Variants in WDR90 observed in about 807,000 individuals in gnomAD.
The protein encoded by WDR90 is WD repeat domain 90.
Under a neutral mutation model 195.2 loss-of-function variants are expected in WDR90, and 238 were observed. The observed-to-expected ratio is 1.22, with a 90% CI of 1.10 to 1.36. WDR90 has a LOEUF of 1.36. WDR90 is among the 40% of genes most tolerant of loss of function. The pLI, the probability that WDR90 is intolerant of heterozygous loss-of-function variation, is 0.00. For missense variants in WDR90, 2,734 were observed against 2,439.5 expected, an observed-to-expected ratio of 1.12 and a Z score of -2.54; for synonymous variants, 1,265 against 1,052.4, an observed-to-expected ratio of 1.20 and a Z score of -3.91.
rs373402461 is a variant in WDR90 at position 661,850 on chromosome 16, C to G, written c.3865-41C>G. On this transcript the variant is annotated intron_variant, in intron 31 of 40. Transcript: ENST00000293879. ...TGTGGGGTGGAATCTGCCTGGGCCC[C>G]GGGACACTGCTGACCCATGGCCACT... 5 of 1,592,092 alleles carry G rather than the reference C, an allele frequency of 3.1e-6. No individual in the cohort carries two copies. The East Asian group carries it at 6.7e-5, about 21-fold the overall frequency.
At chr16:653,982 AACC>A (rs1018389959) in intron 13 of WDR90, 179 bp downstream of exon 13, 2 of 729,134 alleles carry the variant, frequency 2.7e-6, no homozygotes, top group African/African-American at 1.8e-5. Flanking sequence ...CCTGCACAAA[AACC>A]ACCACCAGCA....
chr16:650,536 C>T lies in WDR90; in HGVS notation c.389-3C>T. 3.7e-6 allele frequency: 6 copies of T among 1,600,528 alleles called. No individual in the cohort carries two copies. In the South Asian group the frequency reaches 4.4e-5, roughly 12 times the overall value. ...GCGCTGACCCTGAGTGCCCATCCTGCAGATCTGGTGGGTTTGGCCCCCTCC... is the reference window on the plus strand; with the variant it reads ...GCGCTGACCCTGAGTGCCCATCCTGTAGATCTGGTGGGTTTGGCCCCCTCC... On this transcript the variant is annotated splice_polypyrimidine_tract_variant and splice_region_variant and intron_variant, in intron 4 of 40. Coordinates refer to ENST00000293879, the MANE Select transcript of WDR90 (RefSeq NM_145294.5).
At position 660,683 on chromosome 16, in the gene WDR90, G is replaced by A. The variant is rs1432470286; in HGVS notation, c.3360G>A (p.Gly1120=). The change falls in exon 28 of 41, where the codon GGG becomes GGA. Residue 1120 remains glycine, a synonymous_variant. Coordinates refer to ENST00000293879, the MANE Select transcript of WDR90 (RefSeq NM_145294.5). ...LKAVVGYSGN[G]RANMVWRPDT... is the part of the protein sequence containing the mutation. ...CTGTCGTCGGTTACAGCGGGAATGG[G>A]CGGGCCAACATGGTCTGGAGGCCGG... 1 of 1,579,772 alleles carries A rather than the reference G, an allele frequency of 6.3e-7. No individual in the cohort carries two copies. Among genetic ancestry groups the A allele is most frequent in the Non-Finnish European group, 8.6e-7 (1 of 1,163,838 alleles).
Position 659,140 on chromosome 16 carries a change from C to T in WDR90, c.3052+14C>T, listed in dbSNP as rs2037834305. On this transcript the variant is annotated intron_variant, in intron 25 of 40. Transcript: ENST00000293879. ...CCTGCAAGACAGGTGAGTGGCTGTGCTCAGCTGGGGTGCAGGTGCTGCGCT... is the reference window on the plus strand; with the variant it reads ...CCTGCAAGACAGGTGAGTGGCTGTGTTCAGCTGGGGTGCAGGTGCTGCGCT... 9 of 1,611,188 alleles carry T rather than the reference C, an allele frequency of 5.6e-6. No individual in the cohort carries two copies. The highest frequency in any genetic ancestry group is 1.1e-5 in the South Asian group (1 of 91,066).
chr16:650,075 CA>C lies in WDR90; in HGVS notation c.188del (p.Gln63ArgfsTer5). On this transcript the variant is annotated frameshift_variant, in exon 3 of 41. Coordinates refer to ENST00000293879, the MANE Select transcript of WDR90 (RefSeq NM_145294.5). LOFTEE classifies it high-confidence loss of function. ...NYIQLPKSSTQSLGLTGRYLY... is the reference protein window; with the variant it reads ...NYIQLPKSSTXSLGLTGRYLY... ...CATCCAGCTCCCTAAGAGCAGCACC[CA>C]GTCTCTGGGGCTGACGGGACGATAC... The C allele has an allele frequency of 6.2e-7, 1 of 1,613,070 alleles. No homozygotes were observed. Among genetic ancestry groups the C allele is most frequent in the Middle Eastern group, 1.6e-4 (1 of 6,062 alleles).
chr16:651,874 G>C lies in WDR90; in HGVS notation c.888G>C (p.Leu296=), dbSNP rs1567214399. 6.2e-7 allele frequency: 1 copy of C among 1,610,848 alleles called. No homozygotes were observed. Among genetic ancestry groups the C allele is most frequent in the Admixed American group, 1.7e-5 (1 of 60,010 alleles). ...CCAGGCCCTTCCCGGAGGTCAGCCT[G>C]TCCCAAGAGCGCTCAGACGCCTCCA... The part of the protein sequence containing the change: ...LAPRPFPEVS[L]SQERSDASNA... The change falls in exon 9 of 41, where the codon CTG becomes CTC. Residue 296 remains leucine, a synonymous_variant. Transcript: ENST00000293879.
Position 666,440 on chromosome 16 carries a change from C to G in WDR90, c.4741-15C>G, listed in dbSNP as rs779637025. 4.4e-6 allele frequency: 7 copies of G among 1,609,138 alleles called. No homozygotes were observed. The South Asian group carries it at 6.6e-5, about 15-fold the overall frequency. ...GCAGAAGGCACCTGTCGGCCCTCACCCACTCCATTCCCAGTGTGAAGACTT... is the reference window on the plus strand; with the variant it reads ...GCAGAAGGCACCTGTCGGCCCTCACGCACTCCATTCCCAGTGTGAAGACTT... On this transcript the variant is annotated splice_polypyrimidine_tract_variant and intron_variant, in intron 37 of 40. Coordinates refer to ENST00000293879, the MANE Select transcript of WDR90 (RefSeq NM_145294.5).
rs1258302697 is a variant in WDR90 at position 657,131 on chromosome 16, G to C, written c.2383G>C (p.Asp795His). 6.3e-7 allele frequency: 1 copy of C among 1,582,494 alleles called. No homozygotes were observed. Among genetic ancestry groups the C allele is most frequent in the Non-Finnish European group, 8.6e-7 (1 of 1,166,304 alleles). ...GAVTGLTATP[D>H]GRLLFSSCSQ... Reference sequence around the variant, plus strand: ...TGTCACCGGCCTGACCGCCACCCCTGACGGCCGCCTGCTCTTCAGCTCCTG... The same window carrying C: ...TGTCACCGGCCTGACCGCCACCCCTCACGGCCGCCTGCTCTTCAGCTCCTG... Residue 795 changes from aspartate (D) to histidine (H), a missense_variant, in exon 20 of 41, where the codon GAC (aspartate) becomes CAC (histidine). Physicochemically the swap from Asp to His is moderately conservative, Grantham distance 81. Coordinates refer to ENST00000293879, the MANE Select transcript of WDR90 (RefSeq NM_145294.5).
At chr16:657,262 G>T (rs374872084) in intron 20 of WDR90, 41 bp downstream of exon 20, 2 of 1,498,770 alleles carry the variant, frequency 1.3e-6, no homozygotes, top group Non-Finnish European at 1.8e-6. Context: ...TCCTCAGGGC[G>T]GGGGAGGCCT....
Position 667,709 on chromosome 16 carries a change from T to G in WDR90, c.*120T>G. The G allele has an allele frequency of 6.8e-7, 1 of 1,469,096 alleles. No homozygotes were observed. Among genetic ancestry groups the G allele is most frequent in the Non-Finnish European group, 9.2e-7 (1 of 1,082,176 alleles). 91.0% of individuals were successfully genotyped at this position (1,469,096 alleles called of 1,614,324 possible). ...ATGCTGGGACAGGCCAGGATTCACGTAAATCGCCTGGAGCAAGCTGTTGTA... is the reference window on the plus strand; with the variant it reads ...ATGCTGGGACAGGCCAGGATTCACGGAAATCGCCTGGAGCAAGCTGTTGTA... On this transcript the variant is annotated 3_prime_UTR_variant, in exon 41 of 41. Coordinates refer to ENST00000293879, the MANE Select transcript of WDR90 (RefSeq NM_145294.5).
Position 650,137 on chromosome 16 carries a change from C to G in WDR90, c.249C>G (p.His83Gln), listed in dbSNP as rs746799469. The G allele has an allele frequency of 3.1e-6, 5 of 1,613,088 alleles. 1 individual carries two copies. The South Asian group carries it at 5.5e-5, about 18-fold the overall frequency. ...YVLFRPLPSK[H>Q]FVIHLDVSSK... The stretch of plus-strand genomic sequence containing the variant: ...TCTTTCGGCCCCTGCCCAGCAAGCA[C>G]TTCGTCATCCACCTCGATGTGTCCT... The change falls in exon 3 of 41, where the codon CAC (histidine) becomes CAG (glutamine). Residue 83 changes from histidine (H) to glutamine (Q), a missense_variant. His to Gln is a conservative substitution (Grantham distance 24). Coordinates refer to ENST00000293879, the MANE Select transcript of WDR90 (RefSeq NM_145294.5).
chr16:667,723 C>G lies in WDR90; in HGVS notation c.*134C>G, dbSNP rs766051735. On this transcript the variant is annotated 3_prime_UTR_variant, in exon 41 of 41. Transcript: ENST00000293879. The stretch of plus-strand genomic sequence containing the variant: ...CAGGATTCACGTAAATCGCCTGGAG[C>G]AAGCTGTTGTAAATTTGGCGCCCTG... 1.4e-6 allele frequency: 2 copies of G among 1,393,808 alleles called. No homozygotes were observed. Among genetic ancestry groups the G allele is most frequent in the South Asian group, 1.2e-5 (1 of 81,514 alleles). 86.3% of individuals were successfully genotyped at this position (1,393,808 alleles called of 1,614,324 possible).
At position 656,396 on chromosome 16, in the gene WDR90, G is replaced by A. The variant is rs577796944; in HGVS notation, c.2061G>A (p.Thr687=). 9 of 1,607,878 alleles carry A rather than the reference G, an allele frequency of 5.6e-6. No homozygotes were observed. Among genetic ancestry groups the A allele is most frequent in the East Asian group, 2.2e-5 (1 of 44,754 alleles). ...CGGGCCACCTGGGCTTCCTGGACAC[G>A]CTGTCCCGGGTGTACCACATGCTGG... ...TSSGHLGFLD[T]LSRVYHMLAR... is the part of the protein sequence containing the mutation. The change falls in exon 18 of 41, where the codon ACG becomes ACA. Residue 687 remains threonine, a synonymous_variant. Coordinates refer to ENST00000293879, the MANE Select transcript of WDR90 (RefSeq NM_145294.5).
Position 661,729 on chromosome 16 carries a change from G to C in WDR90, c.3806G>C (p.Gly1269Ala), listed in dbSNP as rs200235342. 4 of 1,612,074 alleles carry C rather than the reference G, an allele frequency of 2.5e-6. No individual in the cohort carries two copies. In the Admixed American group the frequency reaches 6.7e-5, roughly 27 times the overall value. ...GACGCCGGCGAGCTCACCTGTGTGG[G>C]CCAGGGCACTGTCACCTTCTGGCTC... ...PWDAGELTCV[G>A]QGTVTFWLLQ... The change falls in exon 31 of 41, where the codon GGC (glycine) becomes GCC (alanine). Residue 1269 changes from glycine to alanine, a missense_variant. Physicochemically the swap from Gly to Ala is moderately conservative, Grantham distance 60. Transcript: ENST00000293879.
chr16:656,496 G>A lies in WDR90; in HGVS notation c.2161G>A (p.Asp721Asn). 1.3e-6 allele frequency: 2 copies of A among 1,580,484 alleles called. No individual in the cohort carries two copies. The highest frequency in any genetic ancestry group is 1.7e-6 in the Non-Finnish European group (2 of 1,166,182). Residue 721 changes from aspartate to asparagine, a missense_variant, in exon 18 of 41, where the codon GAC becomes AAC. By Grantham distance (23) the Asp-to-Asn change is conservative (BLOSUM62 1). Transcript: ENST00000293879. ...GGGACAGCTGGCCACCGTGTCCCAGGACCGTACCGTCCGCATCTGGGACCT... is the reference window on the plus strand; with the variant it reads ...GGGACAGCTGGCCACCGTGTCCCAGAACCGTACCGTCCGCATCTGGGACCT... ...RRGQLATVSQ[D>N]RTVRIWDLAT...
At chr16:659,763 G>A (rs1414655806) in intron 26 of WDR90, among the ~76,000 whole-genome samples, 1 of 152,198 alleles carries the variant, frequency 6.6e-6, no homozygotes, top group Non-Finnish European at 1.5e-5. Flanking sequence ...GGGCTCCTGG[G>A]GGCTTGCCCT....
chr16:665,182 G>T, intron 34 of WDR90: 1 of 269,126 alleles, frequency 3.7e-6, no homozygotes, highest in Non-Finnish European at 7.4e-6. Flanking sequence ...GTTTTGGGAG[G>T]AGGAATGCGA....
intron 2 of WDR90, 24 bp downstream of exon 2, chr16:649,878 G>C (rs764115441): frequency 1.3e-6 from 2 of 1,576,590 alleles, no homozygotes; most frequent in South Asian, 1.1e-5. Flanking sequence ...GGCTCGCCCG[G>C]AGCCCACACC....
chr16:654,009 G>A (rs968573735), intron 13 of WDR90: 7 of 642,138 alleles, frequency 1.1e-5, no homozygotes, highest in Admixed American at 9.2e-5. Context: ...CACATTTCAC[G>A]TCTCGGCTTT....
Sources: gnomAD v4.1 joint callset for allele counts (sites outside exome capture counted in the v4.1 genomes callset) on GRCh38, gnomAD v4.1.1 for gene constraint, MANE v1.5 for transcripts, NCBI Gene and HGNC (gene_info 2026-07-23, HGNC 2026-07-21) for gene names.